CCDC88A: variants seen among roughly 807,000 people sequenced by gnomAD.
CCDC88A encodes the protein girdin.
In CCDC88A, 54 loss-of-function variants were observed where a neutral mutation model predicts 234.3. The observed-to-expected ratio is 0.23, with a 90% confidence interval of 0.19 to 0.29. CCDC88A has a LOEUF of 0.29. Among genes scored for constraint, CCDC88A ranks in the 10% least tolerant of loss-of-function variants. The pLI, the probability that CCDC88A is intolerant of heterozygous loss-of-function variation, is 1.00. For missense variants in CCDC88A, 1,832 were observed against 2,123.4 expected, an observed-to-expected ratio of 0.86 and a Z score of 2.70; for synonymous variants, 753 against 737.8, an observed-to-expected ratio of 1.02 and a Z score of -0.33.
intron 2 of CCDC88A, among the ~76,000 whole-genome samples, chr2:55,397,764 G>C (rs542961263): frequency 6.6e-6 from 1 of 151,962 alleles, no homozygotes; most frequent in Non-Finnish European, 1.5e-5. Flanking sequence ...AATGTATTCA[G>C]TTGTCAGGAA....
At chr2:55,302,939 CTTATA>C in intron 26 of CCDC88A, 125 bp downstream of exon 26, 3 of 636,654 alleles carry the variant, frequency 4.7e-6, no homozygotes, top group Admixed American at 5.5e-5. Flanking sequence ...CTTCTAGCTC[CTTATA>C]TTAGAGGAAG....
At chr2:55,409,827 G>A (rs940615022) in intron 2 of CCDC88A, among the ~76,000 whole-genome samples, 9 of 140,020 alleles carry the variant, frequency 6.4e-5, no homozygotes, top group African/African-American at 1.9e-4. Context: ...TGCAACCTCC[G>A]CCTCCCAGCT....
In CCDC88A at chr2:55,328,252, T is replaced by A; in HGVS notation, c.2997+42A>T. The A allele has an allele frequency of 3.6e-6, 5 of 1,371,650 alleles. No homozygotes were observed. Among genetic ancestry groups the A allele is most frequent in the Non-Finnish European group, 2.0e-6 (2 of 1,004,468 alleles). The allele number at this position is 1,371,650 out of a possible 1,614,324, so 85.0% of individuals were successfully genotyped here. ...ATATTTTTCTGTCCAAATATTTATA[T>A]AATAAATGATCCTTAAAATTCTTTC... On this transcript the variant is annotated intron_variant, in intron 17 of 32. Coordinates refer to ENST00000436346, the MANE Select transcript of CCDC88A (RefSeq NM_001365480.1). This position sits in a 1 kb window ranked among gnomAD's most constrained non-coding sequence, Gnocchi z 4.3.
At chr2:55,341,892 T>G (rs1019588570) in intron 12 of CCDC88A, among the ~76,000 whole-genome samples, 2 of 152,332 alleles carry the variant, frequency 1.3e-5, no homozygotes, top group African/African-American at 4.8e-5. Flanking sequence ...TGCAGATATC[T>G]CTTTGATATA....
intron 2 of CCDC88A, among the ~76,000 whole-genome samples, chr2:55,410,705 A>AC (rs1156593567): frequency 3.3e-5 from 5 of 152,132 alleles, no homozygotes; most frequent in Non-Finnish European, 5.9e-5. Context: ...GCAACACAGC[A>AC]AAACTCTGCC....
At chr2:55,301,123 G>T in intron 28 of CCDC88A, 83 bp downstream of exon 28, 3 of 782,200 alleles carry the variant, frequency 3.8e-6, no homozygotes, top group Non-Finnish European at 4.3e-6. Context: ...TGGCAATGAC[G>T]CATTCACCTA....
At chr2:55,319,606 T>C (rs941496403) in intron 18 of CCDC88A, among the ~76,000 whole-genome samples, 3 of 152,146 alleles carry the variant, frequency 2.0e-5, no homozygotes, top group African/African-American at 7.2e-5. Flanking sequence ...AAAATACTAA[T>C]TAAAATTCTA....
intron 8 of CCDC88A, among the ~76,000 whole-genome samples, chr2:55,352,927 T>C (rs1056348944): frequency 8.5e-5 from 13 of 152,186 alleles, no homozygotes; most frequent in South Asian, 6.2e-4. Flanking sequence ...TTCACTTTAG[T>C]AGAGATCTGT....
intron 31 of CCDC88A, chr2:55,294,859 A>C (rs1679834492): frequency 1.0e-5 from 11 of 1,055,248 alleles, no homozygotes; most frequent in Non-Finnish European, 1.3e-5. Flanking sequence ...TGGACAAAGT[A>C]ATTAATATTT....
At chr2:55,320,404 T>C (rs1308152046) in intron 18 of CCDC88A, among the ~76,000 whole-genome samples, 11 of 152,092 alleles carry the variant, frequency 7.2e-5, no homozygotes, top group Admixed American at 7.2e-4. Flanking sequence ...AAGAAATAAG[T>C]TAGCAAATAT....
Position 55,355,667 on chromosome 2 carries a change from G to T in CCDC88A, c.712C>A (p.Pro238Thr). 6.2e-7 allele frequency: 1 copy of T among 1,614,014 alleles called. No individual in the cohort carries two copies. Among genetic ancestry groups the T allele is most frequent in the Non-Finnish European group, 8.5e-7 (1 of 1,179,924 alleles). Reference protein sequence around the residue: ...SSSAQSPCGSPGMKRTESRQH... With the variant: ...SSSAQSPCGSTGMKRTESRQH... The stretch of plus-strand genomic sequence containing the variant: ...CGACTTTCTGTTCGCTTCATGCCTG[G>T]AGAACCACAGGGTGACTGTGCAGAT... Residue 238 changes from proline (P) to threonine (T), a missense_variant, in exon 8 of 33, where the codon CCA (proline) becomes ACA (threonine). Pro to Thr is a conservative substitution (Grantham distance 38). Around this residue, in one of 6 missense-constraint regions of CCDC88A, gnomAD observed 1,282 missense variants for 1,543.6 expected, o/e 0.83. Coordinates refer to ENST00000436346, the MANE Select transcript of CCDC88A (RefSeq NM_001365480.1).
intron 10 of CCDC88A, chr2:55,345,722 C>G (rs1011392529): frequency 6.6e-6 from 1 of 152,580 alleles, no homozygotes; most frequent in Non-Finnish European, 1.5e-5. Context: ...CTGTCAAACT[C>G]AACTTCATGT....
At chr2:55,339,747 A>G in intron 12 of CCDC88A, 99 bp from the exon 13 acceptor site, 1 of 815,484 alleles carries the variant, frequency 1.2e-6, no homozygotes, top group Non-Finnish European at 1.8e-6. Flanking sequence ...GCATTGCATC[A>G]TCTGATCCTT....
At chr2:55,384,635 A>ATATACACATATATACGTATG (rs1558789090) in intron 3 of CCDC88A, among the ~76,000 whole-genome samples, 2 of 38,424 alleles carry the variant, frequency 5.2e-5, no homozygotes, top group African/African-American at 3.7e-4. Flanking sequence ...ATATATGTAT[A>ATATACACATATATACGTATG]TATGTGTATA....
chr2:55,361,969 T>C (rs181413321), intron 7 of CCDC88A: 12 of 170,988 alleles, frequency 7.0e-5, no homozygotes, highest in African/African-American at 1.4e-4. Flanking sequence ...ATTCTTATGC[T>C]TCACGGCAAT....
At chr2:55,378,319 A>T (rs1175982519) in intron 3 of CCDC88A, among the ~76,000 whole-genome samples, 1 of 152,248 alleles carries the variant, frequency 6.6e-6, no homozygotes, top group Non-Finnish European at 1.5e-5. Flanking sequence ...TTTCATCTTT[A>T]CGCTATGAAG....
chr2:55,379,110 T>C (rs1392720399), intron 3 of CCDC88A, among the ~76,000 whole-genome samples: 2 of 152,082 alleles, frequency 1.3e-5, no homozygotes, highest in African/African-American at 2.4e-5. Flanking sequence ...ATGAGTAATA[T>C]TAAAAAATAT....
At chr2:55,384,715 G>A (rs1675309039) in intron 3 of CCDC88A, among the ~76,000 whole-genome samples, 1 of 149,600 alleles carries the variant, frequency 6.7e-6, no homozygotes, top group South Asian at 2.1e-4. Flanking sequence ...GGAGTGTAGT[G>A]GTGTGATCTC....
At position 55,384,234 on chromosome 2, in the gene CCDC88A, GA is replaced by G. The variant is rs892805130; in HGVS notation, c.273+4543del. Among the ~76,000 whole-genome samples, 18 of 137,712 alleles carry G rather than the reference GA, an allele frequency of 1.3e-4. No homozygotes were observed. In the Middle Eastern group the frequency reaches 0.016, roughly 121 times the overall value. 90.3% of individuals were successfully genotyped at this position (137,712 alleles called of 152,430 possible). ...AAAACATAATTTATAAACACATAAG[GA>G]AAAAAAAAATCCAGGTGGGGCAGAG... On this transcript the variant is annotated intron_variant, in intron 3 of 32. Transcript: ENST00000436346.
Sources: allele counts gnomAD v4.1 joint callset (sites outside exome capture counted in the v4.1 genomes callset), GRCh38; gene constraint gnomAD v4.1.1; regional missense constraint gnomAD v4.1.1; non-coding constraint Gnocchi (gnomAD v3.1); transcripts MANE v1.5; gene names NCBI Gene and HGNC (gene_info 2026-07-23, HGNC 2026-07-21).